Variants in ZNF385B observed in about 807,000 individuals in gnomAD.
The protein encoded by ZNF385B is zinc finger protein 385B.
In ZNF385B, 23 loss-of-function variants were observed where a neutral mutation model predicts 39.2. That is an observed-to-expected ratio of 0.59 (90% CI 0.42 to 0.83). ZNF385B has a LOEUF of 0.83. ZNF385B is among the 40% of genes least tolerant of loss of function. The pLI, the probability that ZNF385B is intolerant of heterozygous loss-of-function variation, is 0.00. For synonymous variants in ZNF385B, 205 were observed against 222.6 expected (o/e 0.92, Z 0.70); for missense variants, 552 against 598.9 (o/e 0.92, Z 0.82).
chr2:179,735,217 C>T (rs1424910730), intron 3 of ZNF385B, among the ~76,000 whole-genome samples: 4 of 150,442 alleles, frequency 2.7e-5, no homozygotes, highest in Admixed American at 1.3e-4. Flanking sequence ...AAAAAGTGGG[C>T]AAAGGACATG....
chr2:179,504,140 T>C (rs1574489691), intron 5 of ZNF385B, among the ~76,000 whole-genome samples: 1 of 150,620 alleles, frequency 6.6e-6, no homozygotes, highest in Non-Finnish European at 1.5e-5. Flanking sequence ...GGTTTTTTGT[T>C]CTTGCGATAG....
intron 3 of ZNF385B, among the ~76,000 whole-genome samples, chr2:179,707,561 T>C (rs1172128959): frequency 1.3e-5 from 2 of 152,238 alleles, no homozygotes; most frequent in Admixed American, 6.5e-5. Context: ...AGCTTTTCAC[T>C]GCCAGCATGA....
chr2:179,795,180 C>T (rs1015139053), intron 1 of ZNF385B, among the ~76,000 whole-genome samples: 4 of 151,802 alleles, frequency 2.6e-5, no homozygotes, highest in African/African-American at 9.7e-5. Context: ...GTAGAAAGTT[C>T]TCAGAAGAAG....
chr2:179,701,823 T>C (rs914857664), intron 3 of ZNF385B, among the ~76,000 whole-genome samples: 5 of 152,200 alleles, frequency 3.3e-5, no homozygotes, highest in African/African-American at 1.2e-4. Flanking sequence ...GAAAATCCAC[T>C]GGAAGCCATT....
At position 179,518,590 on chromosome 2, in the gene ZNF385B, T is replaced by C. The variant is rs774587846; in HGVS notation, c.490A>G (p.Ile164Val). ...AVINHTFGVSIPPKKKQVISC... is the reference protein window; with the variant it reads ...AVINHTFGVSVPPKKKQVISC... ...ATAACTTGTTTCTTCTTTGGGGGAA[T>C]GGATACTCCAAATGTATGGTTAATA... Residue 164 changes from isoleucine to valine, a missense_variant, in exon 5 of 10, where the codon ATT (isoleucine) becomes GTT (valine). Coordinates refer to ENST00000410066, the MANE Select transcript of ZNF385B (RefSeq NM_152520.6). 8.1e-6 allele frequency: 13 copies of C among 1,609,320 alleles called. No homozygotes were observed. The highest frequency in any genetic ancestry group is 5.1e-5 in the Admixed American group (3 of 58,750).
At chr2:179,603,005 T>C (rs1359070680) in intron 3 of ZNF385B, among the ~76,000 whole-genome samples, 1 of 152,252 alleles carries the variant, frequency 6.6e-6, no homozygotes, top group Non-Finnish European at 1.5e-5. Context: ...ACAAGTATTT[T>C]CAAACCAATT....
rs143263030 is a variant in ZNF385B at position 179,810,126 on chromosome 2, C to T, written c.-154-39454G>A. On this transcript the variant is annotated intron_variant, in intron 1 of 9. Coordinates refer to ENST00000410066, the MANE Select transcript of ZNF385B (RefSeq NM_152520.6). ...CTTGGTCAACTATTTTGAATATTGT[C>T]TTCTTAGGGGAATTTATAATCTCAT... is the stretch of plus-strand genomic sequence containing the variant. 3.2e-4 allele frequency among the ~76,000 whole-genome samples: 48 copies of T among 151,856 alleles called. No individual in the cohort carries two copies. The East Asian group carries it at 7.4e-3, about 23-fold the overall frequency.
intron 3 of ZNF385B, among the ~76,000 whole-genome samples, chr2:179,733,756 C>T (rs1701552994): frequency 7.3e-6 from 1 of 136,342 alleles, no homozygotes; most frequent in South Asian, 2.3e-4. Flanking sequence ...GCCCTCCAGC[C>T]TGAGTGACAG....
intron 3 of ZNF385B, among the ~76,000 whole-genome samples, chr2:179,574,661 G>A (rs1370433824): frequency 6.6e-6 from 1 of 152,174 alleles, no homozygotes; most frequent in Non-Finnish European, 1.5e-5. Context: ...TACTAAGGAA[G>A]TTAATCTGAA....
At chr2:179,733,979 CACATACAA>C (rs1156548937) in intron 3 of ZNF385B, among the ~76,000 whole-genome samples, 6 of 152,108 alleles carry the variant, frequency 3.9e-5, no homozygotes, top group African/African-American at 9.7e-5. Flanking sequence ...TGTACATACA[CACATACAA>C]ACATACACAC....
At chr2:179,666,868 G>T (rs1695225974) in intron 3 of ZNF385B, among the ~76,000 whole-genome samples, 1 of 151,880 alleles carries the variant, frequency 6.6e-6, no homozygotes, top group South Asian at 2.1e-4. Flanking sequence ...TGTATGAACA[G>T]ACTCCAACAT....
intron 3 of ZNF385B, among the ~76,000 whole-genome samples, chr2:179,765,400 G>T (rs532029638): frequency 6.8e-4 from 103 of 152,328 alleles, no homozygotes; most frequent in African/African-American, 2.3e-3. Context: ...GATTTGGGGT[G>T]GGTTGAGGAG....
chr2:179,809,473 C>T (rs949373389), intron 1 of ZNF385B, among the ~76,000 whole-genome samples: 7 of 151,956 alleles, frequency 4.6e-5, no homozygotes, highest in African/African-American at 1.5e-4. Context: ...GAAACATGGC[C>T]AAGGAAATAT....
At chr2:179,757,224 T>C (rs1237570370) in intron 3 of ZNF385B, among the ~76,000 whole-genome samples, 1 of 152,188 alleles carries the variant, frequency 6.6e-6, no homozygotes, top group African/African-American at 2.4e-5. Flanking sequence ...TTGCTGGAGG[T>C]CCACTCCAGA....
At chr2:179,858,024 T>G (rs1684735998) in intron 1 of ZNF385B, among the ~76,000 whole-genome samples, 1 of 152,266 alleles carries the variant, frequency 6.6e-6, no homozygotes, top group East Asian at 1.9e-4. Context: ...GGTTCTCTTT[T>G]GGGAAGCTTA....
chr2:179,752,346 T>A (rs1231067494), intron 3 of ZNF385B, among the ~76,000 whole-genome samples: 1 of 152,226 alleles, frequency 6.6e-6, no homozygotes, highest in Non-Finnish European at 1.5e-5. Context: ...GATGGACATT[T>A]GGGTTGGTTC....
intron 3 of ZNF385B, among the ~76,000 whole-genome samples, chr2:179,644,775 C>T (rs1277345679): frequency 2.6e-5 from 4 of 152,184 alleles, no homozygotes; most frequent in Non-Finnish European, 4.4e-5. Flanking sequence ...GACTCCATCA[C>T]TTGCTGTGTC....
chr2:179,562,151 T>C lies in ZNF385B; in HGVS notation c.299-17182A>G, dbSNP rs537084348. ...CGGTAGCTTATAAAGATTAAAGAAA[T>C]GTGGGAAATCAGTTACCTCGTCATT... On this transcript the variant is annotated intron_variant, in intron 3 of 9. Coordinates refer to ENST00000410066, the MANE Select transcript of ZNF385B (RefSeq NM_152520.6). Among the ~76,000 whole-genome samples, 562 of 152,230 alleles carry C rather than the reference T, an allele frequency of 3.7e-3. 2 individuals are homozygous for C. Among genetic ancestry groups the C allele is most frequent in the South Asian group, 0.027 (128 of 4,814 alleles).
intron 5 of ZNF385B, among the ~76,000 whole-genome samples, chr2:179,517,134 TGATTATTGTA>T (rs2058147709): frequency 6.6e-6 from 1 of 151,894 alleles, no homozygotes; most frequent in South Asian, 2.1e-4. Context: ...TTCACAGTCT[TGATTATTGTA>T]GATTTTAGAG....
Sources: allele counts gnomAD v4.1 joint callset (sites outside exome capture counted in the v4.1 genomes callset), GRCh38; gene constraint gnomAD v4.1.1; transcripts MANE v1.5; gene names NCBI Gene and HGNC (gene_info 2026-07-23, HGNC 2026-07-21).